VCAN: variants seen among roughly 807,000 people sequenced by gnomAD.
VCAN encodes the protein versican core protein.
In VCAN, 44 loss-of-function variants were observed where a neutral mutation model predicts 245.5. That is an observed-to-expected ratio of 0.18 (90% confidence interval 0.14 to 0.23). The LOEUF (loss-of-function observed/expected upper bound fraction) is 0.23, where lower values mean the gene tolerates loss of function less well. Ranked by LOEUF, VCAN falls within the 10% of genes least tolerant of loss-of-function variation. VCAN has a pLI of 1.00. For missense variants in VCAN, 3,793 were observed against 4,057.9 expected, an observed-to-expected ratio of 0.93 and a Z score of 1.77; for synonymous variants, 1,413 against 1,437.0, an observed-to-expected ratio of 0.98 and a Z score of 0.38.
At chr5:83,575,862 A>AAAG (rs532025901) in intron 13 of VCAN, among the ~76,000 whole-genome samples, 4 of 152,156 alleles carry the variant, frequency 2.6e-5, no homozygotes, top group African/African-American at 9.7e-5. Context: ...CTACCTCATT[A>AAAG]AAGAAGAAGA....
Position 83,490,396 on chromosome 5 carries a change from T to A in VCAN, c.369T>A (p.Ser123Arg). 6.2e-7 allele frequency: 1 copy of A among 1,614,168 alleles called. No individual in the cohort carries two copies. The highest frequency in any genetic ancestry group is 2.2e-5 in the East Asian group (1 of 44,880). ...TCACTGTGGTCAAGCTGCTGGCAAG[T>A]GATGCGGGTCTTTACCGCTGTGACG... is the stretch of plus-strand genomic sequence containing the variant. ...ASLTVVKLLA[S>R]DAGLYRCDVM... The change falls in exon 3 of 15, where the codon AGT becomes AGA. Residue 123 changes from serine (S) to arginine (R), a missense_variant. Physicochemically the swap from Ser to Arg is moderately radical, Grantham distance 110. Coordinates refer to ENST00000265077, the MANE Select transcript of VCAN (RefSeq NM_004385.5).
intron 1 of VCAN, among the ~76,000 whole-genome samples, chr5:83,474,883 C>A (rs188755059): frequency 1.2e-3 from 183 of 152,274 alleles, no homozygotes; most frequent in Middle Eastern, 6.8e-3. Flanking sequence ...TTGCTTGCTT[C>A]TTGGGAGTGG....
At chr5:83,477,338 T>C (rs1744426067) in intron 1 of VCAN, among the ~76,000 whole-genome samples, 1 of 152,146 alleles carries the variant, frequency 6.6e-6, no homozygotes. Context: ...TTGTTTAGTT[T>C]CATTAATCAG....
chr5:83,552,966 T>C (rs1407491030), intron 10 of VCAN, among the ~76,000 whole-genome samples: 1 of 152,206 alleles, frequency 6.6e-6, no homozygotes, highest in Non-Finnish European at 1.5e-5. Context: ...TTCATAATTC[T>C]ATTAGCCGGA....
rs147586593 is a variant in VCAN, at chr5:83,572,544, G to A, written c.9864G>A (p.Thr3288=). ...CCTGCAATTACCATCTCACCTATAC[G>A]TGCAAGAAAGGAACAGGTAATGATC... ...DVPCNYHLTY[T]CKKGTVACGQ... is the part of the protein sequence containing the mutation. The change falls in exon 13 of 15, where the codon ACG becomes ACA. Residue 3288 remains threonine, a synonymous_variant. Transcript: ENST00000265077. 17 of 1,613,700 alleles carry A rather than the reference G, an allele frequency of 1.1e-5. No homozygotes were observed. The highest frequency in any genetic ancestry group is 8.8e-5 in the South Asian group (8 of 91,068).
chr5:83,544,086 G>A (rs1747106509), intron 8 of VCAN, among the ~76,000 whole-genome samples: 1 of 152,246 alleles, frequency 6.6e-6, no homozygotes, highest in Admixed American at 6.5e-5. Flanking sequence ...GTCTGATAAA[G>A]CACTTTCACC....
At chr5:83,550,495 A>G (rs1747419364) in intron 10 of VCAN, among the ~76,000 whole-genome samples, 1 of 152,244 alleles carries the variant, frequency 6.6e-6, no homozygotes, top group African/African-American at 2.4e-5. Flanking sequence ...AAACAAATAG[A>G]CTATTTCTAT....
At chr5:83,545,207 G>T (rs1261562778) in intron 8 of VCAN, 1 of 419,534 alleles carries the variant, frequency 2.4e-6, no homozygotes, top group Admixed American at 3.5e-5. Flanking sequence ...GCACATATGT[G>T]TAATCATTTT....
chr5:83,532,653 G>C (rs1414270380), intron 7 of VCAN, among the ~76,000 whole-genome samples: 1 of 151,976 alleles, frequency 6.6e-6, no homozygotes, highest in Non-Finnish European at 1.5e-5. Context: ...TCAAGAGTTT[G>C]AGGCTGCCTG....
At chr5:83,542,781 G>GC (rs377172665) in intron 8 of VCAN, among the ~76,000 whole-genome samples, 93 of 152,242 alleles carry the variant, frequency 6.1e-4, no homozygotes, top group African/African-American at 2.2e-3. Flanking sequence ...ATACTTATAT[G>GC]CAATGTCCTT....
intron 5 of VCAN, among the ~76,000 whole-genome samples, chr5:83,508,143 A>AGGAAG (rs1745536609): frequency 6.6e-6 from 1 of 152,146 alleles, no homozygotes; most frequent in Non-Finnish European, 1.5e-5. Flanking sequence ...AGCCTTTGAC[A>AGGAAG]TAATCCTGGG....
At chr5:83,568,388 C>T (rs1561274446) in intron 12 of VCAN, among the ~76,000 whole-genome samples, 1 of 152,122 alleles carries the variant, frequency 6.6e-6, no homozygotes, top group Non-Finnish European at 1.5e-5. Flanking sequence ...TTTGGTACTG[C>T]ACCATTAAAC....
chr5:83,555,121 A>G, intron 12 of VCAN, 83 bp downstream of exon 12: 3 of 1,423,508 alleles, frequency 2.1e-6, no homozygotes, highest in Non-Finnish European at 3.0e-6. Flanking sequence ...CAGAGGGTGC[A>G]TTAGACTGGA....
intron 1 of VCAN, among the ~76,000 whole-genome samples, chr5:83,472,582 AAGC>A (rs1419050695): frequency 2.6e-5 from 4 of 152,014 alleles, no homozygotes; most frequent in Non-Finnish European, 5.9e-5. Context: ...CCCGGCGCCC[AAGC>A]AGCCTGGGAC....
At chr5:83,478,243 G>A (rs1341671583) in intron 1 of VCAN, among the ~76,000 whole-genome samples, 1 of 152,116 alleles carries the variant, frequency 6.6e-6, no homozygotes, top group Non-Finnish European at 1.5e-5. Context: ...ACTGTGCCTG[G>A]CAAAAATAAA....
intron 7 of VCAN, among the ~76,000 whole-genome samples, chr5:83,525,279 C>A (rs1746251462): frequency 6.6e-6 from 1 of 151,932 alleles, no homozygotes; most frequent in African/African-American, 2.4e-5. Flanking sequence ...AAACTTTACT[C>A]CTGTCTATTT....
chr5:83,529,721 G>A (rs1392577230), intron 7 of VCAN, among the ~76,000 whole-genome samples: 3 of 152,010 alleles, frequency 2.0e-5, no homozygotes, highest in African/African-American at 7.2e-5. Context: ...TCACCACATT[G>A]GTTAAAGAAG....
At chr5:83,513,387 T>C (rs754120457) in intron 6 of VCAN, among the ~76,000 whole-genome samples, 5 of 152,232 alleles carry the variant, frequency 3.3e-5, no homozygotes, top group Admixed American at 6.5e-5. Context: ...TAGCTTATTA[T>C]ATAATTGATT....
In VCAN at chr5:83,537,030, A is replaced by G. The variant is rs1240039767; in HGVS notation, c.4027A>G (p.Ile1343Val). The change falls in exon 8 of 15, where the codon ATT becomes GTT. Residue 1343 changes from isoleucine (I) to valine (V), a missense_variant. Coordinates refer to ENST00000265077, the MANE Select transcript of VCAN (RefSeq NM_004385.5). Reference protein sequence around the residue: ...KTGRMSDLSVIGHPIDSESKE... With the variant: ...KTGRMSDLSVVGHPIDSESKE... ...AGGTCGAATGAGTGATTTGAGTGTA[A>G]TTGGTCATCCAATAGATTCAGAATC... 6.9e-6 allele frequency: 11 copies of G among 1,603,708 alleles called. No individual in the cohort carries two copies. Among genetic ancestry groups the G allele is most frequent in the Admixed American group, 5.1e-5 (3 of 58,316 alleles).
Sources: gnomAD v4.1 joint callset for allele counts (sites outside exome capture counted in the v4.1 genomes callset) on GRCh38, gnomAD v4.1.1 for gene constraint, MANE v1.5 for transcripts, NCBI Gene and HGNC (gene_info 2026-07-23, HGNC 2026-07-21) for gene names.